EYS: variants seen among roughly 807,000 people sequenced by gnomAD.
EYS encodes the protein EGF-like photoreceptor maintenance factor, also known as protein eyes shut homolog.
A neutral mutation model predicts 282.1 loss-of-function variants in EYS; 250 were observed. The observed-to-expected ratio is 0.89, with a 90% CI of 0.80 to 0.98. The LOEUF (loss-of-function observed/expected upper bound fraction) is 0.98. Ranked by LOEUF, EYS falls within the 50% of genes least tolerant of loss-of-function variation. The pLI is 0.00. For missense variants in EYS, 4,016 were observed against 3,709.0 expected, an observed-to-expected ratio of 1.08 and a Z score of -2.15; for synonymous variants, 1,355 against 1,282.9, an observed-to-expected ratio of 1.06 and a Z score of -1.20.
At chr6:64,287,325 T>C (rs1164939565) in intron 30 of EYS, among the ~76,000 whole-genome samples, 1 of 152,156 alleles carries the variant, frequency 6.6e-6, no homozygotes, top group Non-Finnish European at 1.5e-5. Flanking sequence ...TTTTCACACA[T>C]ATAAAGTTTT....
At chr6:64,547,846 T>C (rs1161923622) in intron 26 of EYS, among the ~76,000 whole-genome samples, 2 of 152,176 alleles carry the variant, frequency 1.3e-5, no homozygotes, top group Non-Finnish European at 2.9e-5. Context: ...CATGGCGGGC[T>C]ACAGGTCCCA....
At chr6:65,545,240 GT>G (rs66509470) in intron 2 of EYS, among the ~76,000 whole-genome samples, 61 of 149,620 alleles carry the variant, frequency 4.1e-4, no homozygotes, top group South Asian at 8.4e-4. Flanking sequence ...TTTTTATTCT[GT>G]TTTTTTTTTT....
chr6:64,632,595 A>G (rs567174984), intron 22 of EYS, among the ~76,000 whole-genome samples: 1 of 1,598 alleles, frequency 6.3e-4, no homozygotes. Context: ...TGGATGATAT[A>G]CCAGAATATC....
chr6:64,886,829 A>T lies in EYS; in HGVS notation c.2860T>A (p.Cys954Ser). 6.6e-7 allele frequency: 1 copy of T among 1,524,168 alleles called. No individual in the cohort carries two copies. The highest frequency in any genetic ancestry group is 8.8e-7 in the Non-Finnish European group (1 of 1,135,604). The allele number at this position is 1,524,168 out of a possible 1,614,324, so 94.4% of individuals were successfully genotyped here. A position where few individuals can be genotyped will look rare whatever the true frequency, so the allele number is the denominator to read the frequency against. The change falls in exon 19 of 43, where the codon TGT becomes AGT. Residue 954 changes from cysteine to serine, a missense_variant. Coordinates refer to ENST00000503581, the MANE Select transcript of EYS (RefSeq NM_001142800.2). ...AAGGGCCCATGGTACTCAGGTTCAC[A>T]ATTACAAAAAAATCTGGAGAAAAGT... ...VDLTNRFFCN[C>S]EPEYHGPFCE...
chr6:64,980,110 T>C (rs966086594), intron 14 of EYS, among the ~76,000 whole-genome samples: 5 of 151,550 alleles, frequency 3.3e-5, no homozygotes, highest in African/African-American at 1.2e-4. Context: ...CAGTAAGACT[T>C]TCTACTCTGA....
At chr6:64,719,733 C>T (rs1306752385) in intron 22 of EYS, among the ~76,000 whole-genome samples, 1 of 152,026 alleles carries the variant, frequency 6.6e-6, no homozygotes, top group African/African-American at 2.4e-5. Context: ...GGGAAAACCC[C>T]GTCTCTACTA....
At chr6:64,094,380 G>T (rs943534233) in intron 31 of EYS, among the ~76,000 whole-genome samples, 7 of 152,034 alleles carry the variant, frequency 4.6e-5, no homozygotes, top group African/African-American at 1.4e-4. Flanking sequence ...GAATCCATCT[G>T]GTCCTGGACT....
intron 19 of EYS, among the ~76,000 whole-genome samples, chr6:64,855,105 A>G (rs2150044445): frequency 6.6e-6 from 1 of 152,096 alleles, no homozygotes; most frequent in African/African-American, 2.4e-5. Context: ...TACGGTTTGC[A>G]TCAGTTTTAC....
chr6:65,373,962 T>C (rs1765258225), intron 8 of EYS, among the ~76,000 whole-genome samples: 1 of 152,176 alleles, frequency 6.6e-6, no homozygotes, highest in Admixed American at 6.5e-5. Flanking sequence ...CAATTTTCCT[T>C]TGTGATACAG....
chr6:64,326,064 G>A (rs1470014584), intron 29 of EYS, among the ~76,000 whole-genome samples: 1 of 152,160 alleles, frequency 6.6e-6, no homozygotes, highest in Non-Finnish European at 1.5e-5. Context: ...GAACACCTGG[G>A]AAATTCATCA....
At chr6:63,935,930 T>C (rs1281789679) in intron 35 of EYS, among the ~76,000 whole-genome samples, 1 of 152,230 alleles carries the variant, frequency 6.6e-6, no homozygotes, top group Non-Finnish European at 1.5e-5. Context: ...GTTTGGAATG[T>C]AGGCAACTTG....
chr6:65,381,659 C>G (rs1014442166), intron 8 of EYS, among the ~76,000 whole-genome samples: 4 of 151,862 alleles, frequency 2.6e-5, no homozygotes, highest in African/African-American at 9.7e-5. Flanking sequence ...AAATTTGAGA[C>G]AGTTTGAACA....
At chr6:63,897,076 G>A (rs1773553619) in intron 35 of EYS, among the ~76,000 whole-genome samples, 1 of 152,176 alleles carries the variant, frequency 6.6e-6, no homozygotes, top group Non-Finnish European at 1.5e-5. Context: ...AAGTACTGAT[G>A]TCGTGATCTC....
Position 63,881,265 on chromosome 6 carries a change from T to A in EYS, c.7056-16907A>T, listed in dbSNP as rs9353322. ...ATGCATCTCCATCTGCAGGAAGCAA[T>A]TCCTAAATTGCTTCACTCAACAAAT... On this transcript the variant is annotated intron_variant, in intron 35 of 42. Coordinates refer to ENST00000503581, the MANE Select transcript of EYS (RefSeq NM_001142800.2). Among the ~76,000 whole-genome samples, 86 of 152,260 alleles carry A rather than the reference T, an allele frequency of 5.6e-4. 3 individuals carry two copies. In the East Asian group the frequency reaches 0.016, roughly 29 times the overall value.
intron 2 of EYS, among the ~76,000 whole-genome samples, chr6:65,568,871 G>A (rs1764375809): frequency 6.6e-6 from 1 of 152,182 alleles, no homozygotes; most frequent in African/African-American, 2.4e-5. Flanking sequence ...TGATCACAGT[G>A]AGAATATTAT....
intron 29 of EYS, among the ~76,000 whole-genome samples, chr6:64,369,516 CA>C (rs1772282358): frequency 6.6e-6 from 1 of 152,116 alleles, no homozygotes; most frequent in African/African-American, 2.4e-5. Flanking sequence ...ACCACTTTCA[CA>C]ATATTGGTTC....
intron 26 of EYS, among the ~76,000 whole-genome samples, chr6:64,474,640 T>C (rs1411644608): frequency 2.0e-5 from 3 of 152,192 alleles, no homozygotes; most frequent in Non-Finnish European, 4.4e-5. Context: ...TGATTTGACA[T>C]AGTAAATTTT....
chr6:64,656,573 T>C (rs1415217996), intron 22 of EYS, among the ~76,000 whole-genome samples: 1 of 152,046 alleles, frequency 6.6e-6, no homozygotes, highest in African/African-American at 2.4e-5. Flanking sequence ...GAAAATGAAA[T>C]TAAATCAACT....
intron 35 of EYS, among the ~76,000 whole-genome samples, chr6:63,925,975 T>C (rs1764706088): frequency 6.6e-6 from 1 of 152,174 alleles, no homozygotes; most frequent in African/African-American, 2.4e-5. Flanking sequence ...CCGCATGCAT[T>C]AGCTATTTCT....
Sources: gnomAD v4.1 joint callset for allele counts (sites outside exome capture counted in the v4.1 genomes callset) on GRCh38, gnomAD v4.1.1 for gene constraint, MANE v1.5 for transcripts, NCBI Gene and HGNC (gene_info 2026-07-23, HGNC 2026-07-21) for gene names.